ADGRV1: variants seen among roughly 807,000 people sequenced by gnomAD.
ADGRV1 encodes G-protein coupled receptor 98.
Under a neutral mutation model 596.2 loss-of-function variants are expected in ADGRV1, and 359 were observed. The ratio of observed to expected loss-of-function variants is 0.60; its 90% CI spans 0.55 to 0.66. ADGRV1 has a LOEUF of 0.66. ADGRV1 is among the 30% of genes least tolerant of loss of function. The pLI is 0.00. For synonymous variants in ADGRV1, 2,681 were observed against 2,679.2 expected, an observed-to-expected ratio of 1.00 and a Z score of -0.02; for missense variants, 7,274 against 7,575.6, an observed-to-expected ratio of 0.96 and a Z score of 1.48.
chr5:91,021,325 G>A (rs1282189488), intron 85 of ADGRV1, among the ~76,000 whole-genome samples: 1 of 151,968 alleles, frequency 6.6e-6, no homozygotes, highest in African/African-American at 2.4e-5. Context: ...AATTCTATAC[G>A]GGGCCTAGCC....
chr5:90,868,722 C>G (rs987174432), intron 83 of ADGRV1, among the ~76,000 whole-genome samples: 4 of 139,570 alleles, frequency 2.9e-5, no homozygotes, highest in African/African-American at 1.1e-4. Flanking sequence ...TTAACTGTAT[C>G]TTTTCTTCAT....
intron 83 of ADGRV1, among the ~76,000 whole-genome samples, chr5:90,897,548 A>G (rs1336915249): frequency 2.1e-5 from 3 of 145,490 alleles, no homozygotes; most frequent in Non-Finnish European, 4.5e-5. Context: ...AAATACGAAT[A>G]TCATTGATAA....
chr5:90,910,551 T>TTATCTACC (rs757817058), intron 83 of ADGRV1, among the ~76,000 whole-genome samples: 1 of 147,112 alleles, frequency 6.8e-6, no homozygotes, highest in Non-Finnish European at 1.5e-5. Flanking sequence ...TATATATATA[T>TTATCTACC]TATCTATCTA....
rs986788742 is a variant in ADGRV1, at chr5:90,685,672, G to A, written c.6275-108G>A. On this transcript the variant is annotated intron_variant, in intron 28 of 89. Transcript: ENST00000405460. ...ATAGTAGAGGGAAAACCCCAAATGA[G>A]AATCCTATTTGGCTGATGGAATCTT... is the stretch of plus-strand genomic sequence containing the variant. 4 of 479,746 alleles carry A rather than the reference G, an allele frequency of 8.3e-6. No homozygotes were observed. In the South Asian group the frequency reaches 2.3e-4, roughly 28 times the overall value. The allele number at this position is 479,746 out of a possible 1,614,324, so 29.7% of individuals were successfully genotyped here. A position where few individuals can be genotyped will look rare whatever the true frequency, so the allele number is the denominator to read the frequency against.
chr5:90,909,897 TATAAA>T (rs1409507487), intron 83 of ADGRV1, among the ~76,000 whole-genome samples: 4 of 152,140 alleles, frequency 2.6e-5, no homozygotes, highest in Admixed American at 2.6e-4. Context: ...ACATTTAAAA[TATAAA>T]ATAAATTAAA....
chr5:90,778,202 A>G (rs1159875924), intron 62 of ADGRV1, among the ~76,000 whole-genome samples, 159 bp downstream of exon 62: 2 of 150,838 alleles, frequency 1.3e-5, no homozygotes, highest in East Asian at 3.9e-4. Context: ...GTTGGCGTGC[A>G]CGTGTGTGTG....
chr5:90,889,976 C>T (rs1232581391), intron 83 of ADGRV1, among the ~76,000 whole-genome samples: 1 of 152,114 alleles, frequency 6.6e-6, no homozygotes, highest in Non-Finnish European at 1.5e-5. Flanking sequence ...TTGCCCATTC[C>T]AGCTGCTCAC....
At chr5:90,703,883 A>G (rs1748237919) in intron 35 of ADGRV1, 88 bp downstream of exon 35, 7 of 921,442 alleles carry the variant, frequency 7.6e-6, no homozygotes, top group Non-Finnish European at 1.1e-5. Flanking sequence ...GCACTATTGT[A>G]GTTATTATCT....
intron 2 of ADGRV1, 103 bp from the exon 3 acceptor site, chr5:90,617,701 T>A (rs1033970045): frequency 1.1e-6 from 1 of 940,412 alleles, no homozygotes; most frequent in Admixed American, 2.7e-5. Flanking sequence ...AACATAAATG[T>A]CACTTGATTT....
intron 1 of ADGRV1, chr5:90,614,189 A>T: frequency 2.6e-6 from 1 of 380,868 alleles, no homozygotes; most frequent in Non-Finnish European, 5.0e-6. Context: ...TGTCATGGAA[A>T]AAAAGGAAAT....
chr5:90,728,868 C>G lies in ADGRV1; in HGVS notation c.10361C>G (p.Thr3454Arg). 6.2e-7 allele frequency: 1 copy of G among 1,613,546 alleles called. No individual in the cohort carries two copies. Among genetic ancestry groups the G allele is most frequent in the Non-Finnish European group, 8.5e-7 (1 of 1,179,710 alleles). ...NFQEVPVSGT[T>R]EVEALSSAND... ...CAAGAGGTGCCTGTCAGTGGGACAACAGAAGTTGAGGCTTTGTCTTCAGCC... is the reference window on the plus strand; with the variant it reads ...CAAGAGGTGCCTGTCAGTGGGACAAGAGAAGTTGAGGCTTTGTCTTCAGCC... The change falls in exon 49 of 90, where the codon ACA (threonine) becomes AGA (arginine). Residue 3454 changes from threonine to arginine, a missense_variant. Thr to Arg is a moderately conservative substitution (Grantham distance 71). Transcript: ENST00000405460.
chr5:90,870,735 C>T (rs1768588552), intron 83 of ADGRV1, among the ~76,000 whole-genome samples: 1 of 152,262 alleles, frequency 6.6e-6, no homozygotes, highest in East Asian at 1.9e-4. Context: ...TGGCTCTGAT[C>T]ATAGGTTTGC....
At chr5:90,829,859 A>G (rs1479381712) in intron 77 of ADGRV1, among the ~76,000 whole-genome samples, 2 of 152,144 alleles carry the variant, frequency 1.3e-5, no homozygotes, top group African/African-American at 4.8e-5. Context: ...TATGATTGTT[A>G]GGATCATAGC....
intron 58 of ADGRV1, 119 bp downstream of exon 58, chr5:90,759,707 A>C (rs1581029142): frequency 2.4e-6 from 2 of 830,718 alleles, no homozygotes; most frequent in Admixed American, 2.0e-5. Context: ...GGCTCATGCC[A>C]GTAATCCCAG....
At chr5:90,756,662 A>G in intron 56 of ADGRV1, 32 bp downstream of exon 56, 1 of 1,563,030 alleles carries the variant, frequency 6.4e-7, no homozygotes, top group Non-Finnish European at 8.8e-7. Flanking sequence ...TTACAGTCAT[A>G]CAGAGGCCTC....
rs117899764 is a variant in ADGRV1, at chr5:90,742,415, G to A, written c.10550-2631G>A. ...GAGGTCAGGTGGTGGTGGTGAGCAT[G>A]TGCTTTTAGGGAACTAGAAAGGGAC... On this transcript the variant is annotated intron_variant, in intron 50 of 89. Coordinates refer to ENST00000405460, the MANE Select transcript of ADGRV1 (RefSeq NM_032119.4). 2.4e-4 allele frequency among the ~76,000 whole-genome samples: 36 copies of A among 152,316 alleles called. No homozygotes were observed. The East Asian group carries it at 6.9e-3, about 29-fold the overall frequency.
chr5:91,070,543 C>T (rs564907423), intron 85 of ADGRV1, among the ~76,000 whole-genome samples: 1 of 152,244 alleles, frequency 6.6e-6, no homozygotes, highest in Non-Finnish European at 1.5e-5. Context: ...AGGTATATCC[C>T]TTATAAGAAT....
intron 86 of ADGRV1, among the ~76,000 whole-genome samples, chr5:91,078,434 G>A (rs1789042218): frequency 6.6e-6 from 1 of 152,184 alleles, no homozygotes; most frequent in Non-Finnish European, 1.5e-5. Context: ...CTCCTTTTAT[G>A]TAGGTGCTAC....
intron 71 of ADGRV1, 40 bp from the exon 72 acceptor site, chr5:90,805,244 T>C: frequency 6.3e-7 from 1 of 1,575,366 alleles, no homozygotes; most frequent in Non-Finnish European, 8.7e-7. Flanking sequence ...CAGGAAGGTT[T>C]AGAGAGAAAT....
Sources: gnomAD v4.1 joint callset for allele counts (sites outside exome capture counted in the v4.1 genomes callset) on GRCh38, gnomAD v4.1.1 for gene constraint, MANE v1.5 for transcripts, NCBI Gene and HGNC (gene_info 2026-07-23, HGNC 2026-07-21) for gene names.